ZFHX4: variants seen among roughly 807,000 people sequenced by gnomAD.
ZFHX4 encodes the protein zinc finger homeobox protein 4.
A neutral mutation model predicts 267.6 loss-of-function variants in ZFHX4; 56 were observed. That is an observed-to-expected ratio of 0.21 (90% CI 0.17 to 0.26). The LOEUF (loss-of-function observed/expected upper bound fraction) is 0.26, where lower values mean the gene tolerates loss of function less well. ZFHX4 is among the 10% of genes least tolerant of loss of function. The probability of loss-of-function intolerance (pLI) is 1.00; values close to 1 mark genes in which losing one functional copy is unlikely to be tolerated. For synonymous variants in ZFHX4, 1,778 were observed against 1,665.6 expected, an observed-to-expected ratio of 1.07 and a Z score of -1.64; for missense variants, 4,332 against 4,420.0, an observed-to-expected ratio of 0.98 and a Z score of 0.56.
intron 3 of ZFHX4, among the ~76,000 whole-genome samples, chr8:76,722,517 C>A (rs916249122): frequency 1.3e-5 from 2 of 151,748 alleles, no homozygotes; most frequent in Admixed American, 1.3e-4. Flanking sequence ...AAATACCTGC[C>A]TATATCTTTC....
At chr8:76,740,017 A>T (rs1213020964) in intron 3 of ZFHX4, among the ~76,000 whole-genome samples, 1 of 152,200 alleles carries the variant, frequency 6.6e-6, no homozygotes, top group Non-Finnish European at 1.5e-5. Context: ...AACAGAAAAT[A>T]AGGTAGACCT....
At chr8:76,724,880 G>C (rs1808812535) in intron 3 of ZFHX4, among the ~76,000 whole-genome samples, 1 of 152,014 alleles carries the variant, frequency 6.6e-6, no homozygotes, top group African/African-American at 2.4e-5. Context: ...TGATTCTTCA[G>C]TTTTTCATTT....
chr8:76,704,430 C>A lies in ZFHX4; in HGVS notation c.342C>A (p.Ser114Arg). 1.2e-6 allele frequency: 2 copies of A among 1,613,926 alleles called. No homozygotes were observed. Among genetic ancestry groups the A allele is most frequent in the Non-Finnish European group, 1.7e-6 (2 of 1,179,874 alleles). Residue 114 changes from serine (S) to arginine (R), a missense_variant, in exon 2 of 11, where the codon AGC (serine) becomes AGA (arginine). Ser to Arg is a moderately radical substitution (Grantham distance 110, BLOSUM62 -1). Coordinates refer to ENST00000651372, the MANE Select transcript of ZFHX4 (RefSeq NM_024721.5). The stretch of plus-strand genomic sequence containing the variant: ...CTGTCCTGAAGGATGACAACGAGAG[C>A]GAGATCAGCGAGTTAGAGGACAGTG... The part of the protein sequence containing the change: ...RLPVLKDDNE[S>R]EISELEDSDV...
At chr8:76,717,395 A>G (rs1808604893) in intron 3 of ZFHX4, among the ~76,000 whole-genome samples, 1 of 152,158 alleles carries the variant, frequency 6.6e-6, no homozygotes, top group Admixed American at 6.5e-5. Flanking sequence ...GTTTGGAGAA[A>G]TCTTGCCTCC....
At chr8:76,724,582 G>A (rs190474617) in intron 3 of ZFHX4, among the ~76,000 whole-genome samples, 5 of 152,212 alleles carry the variant, frequency 3.3e-5, no homozygotes, top group Admixed American at 3.3e-4. Context: ...TTTGTTGAAG[G>A]TCTGGCACTT....
In ZFHX4 at chr8:76,849,575, C is replaced by T; in HGVS notation, c.3709C>T (p.Leu1237=). Residue 1237 remains leucine, a synonymous_variant, in exon 8 of 11, where the codon CTA becomes TTA. Coordinates refer to ENST00000651372, the MANE Select transcript of ZFHX4 (RefSeq NM_024721.5). ...RDQSRIQMHV[L]SQHSVQPVIC... is the part of the protein sequence containing the mutation. ...CCAAAGTCGTATCCAGATGCACGTC[C>T]TATCACAGCACTCGGTGCAGCCGGT... The T allele has an allele frequency of 6.2e-7, 1 of 1,613,952 alleles. No homozygotes were observed. The highest frequency in any genetic ancestry group is 8.5e-7 in the Non-Finnish European group (1 of 1,179,866).
intron 3 of ZFHX4, among the ~76,000 whole-genome samples, chr8:76,762,187 C>T (rs1380570148): frequency 6.6e-6 from 1 of 151,992 alleles, no homozygotes; most frequent in Non-Finnish European, 1.5e-5. Flanking sequence ...GTCCAGGACA[C>T]CCAATTATAT....
rs1353382858 is a variant in ZFHX4, at chr8:76,849,071, G to A, written c.3588G>A (p.Glu1196=). The change falls in exon 7 of 11, where the codon GAG becomes GAA. Residue 1196 remains glutamate, a synonymous_variant. Transcript: ENST00000651372. ...AGCCACTCCTGCTGGCAAAAGAAGA[G>A]GATGTTGCAACAAAAAGGTCAAAAC... The part of the protein sequence containing the change: ...GTQPLLLAKE[E]DVATKRSKPT... 1.9e-6 allele frequency: 3 copies of A among 1,569,724 alleles called. No homozygotes were observed. The highest frequency in any genetic ancestry group is 2.6e-6 in the Non-Finnish European group (3 of 1,156,896).
intron 4 of ZFHX4, among the ~76,000 whole-genome samples, chr8:76,799,900 C>G (rs138516580): frequency 1.3e-3 from 194 of 152,260 alleles, no homozygotes; most frequent in African/African-American, 4.3e-3. Flanking sequence ...TTCACTTGAT[C>G]ACTGCAAAAA....
chr8:76,707,527 TA>T lies in ZFHX4; in HGVS notation c.2591-17del, dbSNP rs957050788. On this transcript the variant is annotated intron_variant, in intron 2 of 10. Transcript: ENST00000651372. ...GTTTTCTAGTCTCTATTTTTCCTTTTAATTTTTTTTTCCTGTAGTAAATAAT... is the reference window on the plus strand; with the variant it reads ...GTTTTCTAGTCTCTATTTTTCCTTTTATTTTTTTTTCCTGTAGTAAATAAT... 2 of 1,495,514 alleles carry T rather than the reference TA, an allele frequency of 1.3e-6. No individual in the cohort carries two copies. The highest frequency in any genetic ancestry group is 2.4e-5 in the East Asian group (1 of 41,526). The allele number at this position is 1,495,514 out of a possible 1,614,324, so 92.6% of individuals were successfully genotyped here. A position where few individuals can be genotyped will look rare whatever the true frequency, so the allele number is the denominator to read the frequency against.
chr8:76,815,609 C>G (rs556144715), intron 4 of ZFHX4, among the ~76,000 whole-genome samples: 2 of 152,236 alleles, frequency 1.3e-5, no homozygotes, highest in South Asian at 4.1e-4. Flanking sequence ...TCAAGTGATC[C>G]TCCTGCCTCA....
chr8:76,737,359 A>G (rs116798560), intron 3 of ZFHX4, among the ~76,000 whole-genome samples: 5 of 152,204 alleles, frequency 3.3e-5, no homozygotes, highest in South Asian at 2.1e-4. Context: ...TAAAATGGCC[A>G]TAAGACATTT....
intron 3 of ZFHX4, among the ~76,000 whole-genome samples, chr8:76,712,770 A>G (rs1808459779): frequency 1.3e-5 from 2 of 152,306 alleles, no homozygotes; most frequent in East Asian, 1.9e-4. Flanking sequence ...AAATCTTTGC[A>G]CTTTTGTATT....
chr8:76,681,820 G>T (rs1407220060), intron 1 of ZFHX4, among the ~76,000 whole-genome samples, 200 bp downstream of exon 1: 2 of 151,702 alleles, frequency 1.3e-5, no homozygotes, highest in African/African-American at 4.8e-5. Context: ...CATCTCTTCC[G>T]CTCTGCCCCC....
chr8:76,708,025 G>C lies in ZFHX4; in HGVS notation c.3070G>C (p.Glu1024Gln). ...CTTGCATACCACCAATCACAGGCAC[G>C]AGGCGGCCCTGAAGCTCTACAAGGT... ...LRLHTTNHRH[E>Q]AALKLYKHLQ... Residue 1024 changes from glutamate to glutamine, a missense_variant, in exon 3 of 11, where the codon GAG becomes CAG. Transcript: ENST00000651372. 1.2e-6 allele frequency: 2 copies of C among 1,613,606 alleles called. No homozygotes were observed. Among genetic ancestry groups the C allele is most frequent in the Non-Finnish European group, 8.5e-7 (1 of 1,179,880 alleles).
chr8:76,684,021 G>A (rs1320032058), intron 1 of ZFHX4: 4 of 151,706 alleles, frequency 2.6e-5, no homozygotes, highest in Non-Finnish European at 5.9e-5. Context: ...AACTGACAGA[G>A]CAAGCTCAGA....
chr8:76,830,476 T>C (rs1811904985), intron 4 of ZFHX4, among the ~76,000 whole-genome samples: 1 of 152,254 alleles, frequency 6.6e-6, no homozygotes, highest in South Asian at 2.1e-4. Flanking sequence ...AAGTGACATA[T>C]TGTAAGATGC....
chr8:76,824,332 A>G (rs1384713062), intron 4 of ZFHX4, among the ~76,000 whole-genome samples: 1 of 152,176 alleles, frequency 6.6e-6, no homozygotes, highest in Admixed American at 6.5e-5. Flanking sequence ...CTCAAATCCA[A>G]TATTTGTGTA....
At chr8:76,817,489 G>A (rs1403937564) in intron 4 of ZFHX4, among the ~76,000 whole-genome samples, 10 of 152,084 alleles carry the variant, frequency 6.6e-5, no homozygotes, top group Admixed American at 6.5e-4. Flanking sequence ...GTGGGGAGGT[G>A]ATTTTATTAC....
Sources: allele counts gnomAD v4.1 joint callset (sites outside exome capture counted in the v4.1 genomes callset), GRCh38; gene constraint gnomAD v4.1.1; transcripts MANE v1.5; gene names NCBI Gene and HGNC (gene_info 2026-07-23, HGNC 2026-07-21).